The following FGF1 variants were observed in gnomAD, a reference collection of about 807,000 sequenced individuals.
FGF1 encodes the protein fibroblast growth factor 1.
A neutral mutation model predicts 13.4 loss-of-function variants in FGF1; 9 were observed. The ratio of observed to expected loss-of-function variants is 0.67; its 90% CI spans 0.40 to 1.17. The LOEUF (loss-of-function observed/expected upper bound fraction) is 1.17, where lower values mean the gene tolerates loss of function less well. Among genes scored for constraint, FGF1 ranks in the 50% most tolerant of loss-of-function variants. FGF1 has a pLI of 0.01. For missense variants in FGF1, 156 were observed against 192.7 expected (o/e 0.81, Z 1.13); for synonymous variants, 93 against 79.0 (o/e 1.18, Z -0.94).
At chr5:142,639,418 C>A (rs1016716867) in intron 1 of FGF1, among the ~76,000 whole-genome samples, 7 of 151,906 alleles carry the variant, frequency 4.6e-5, no homozygotes, top group African/African-American at 1.7e-4. Flanking sequence ...TCATTTATGA[C>A]AACATGGATG....
chr5:142,640,431 G>GGT (rs1158136435), intron 1 of FGF1, among the ~76,000 whole-genome samples: 3 of 149,874 alleles, frequency 2.0e-5, no homozygotes, highest in Non-Finnish European at 4.5e-5. Context: ...TATGGTGGGG[G>GGT]GGGGGGTCTC....
At chr5:142,608,708 C>CATATATATATATATAT (rs149917804) in intron 2 of FGF1, among the ~76,000 whole-genome samples, 16 of 144,314 alleles carry the variant, frequency 1.1e-4, no homozygotes, top group African/African-American at 3.8e-4. Flanking sequence ...GACTGAATGA[C>CATATATATATATATAT]ATATATATAT....
intron 1 of FGF1, among the ~76,000 whole-genome samples, chr5:142,630,324 A>G (rs925992148): frequency 6.6e-6 from 1 of 152,140 alleles, no homozygotes; most frequent in Non-Finnish European, 1.5e-5. Context: ...TTGGACTGCC[A>G]TGAGGGGTTA....
At chr5:142,608,602 A>G (rs1758333344) in intron 2 of FGF1, among the ~76,000 whole-genome samples, 1 of 135,158 alleles carries the variant, frequency 7.4e-6, no homozygotes, top group African/African-American at 2.8e-5. Context: ...ACACACATAT[A>G]TGTAAATATA....
chr5:142,637,554 C>T (rs1044400830), intron 1 of FGF1, among the ~76,000 whole-genome samples: 3 of 151,998 alleles, frequency 2.0e-5, no homozygotes, highest in Non-Finnish European at 2.9e-5. Context: ...CTCCTGACTT[C>T]GTGATCTGCC....
intron 1 of FGF1, among the ~76,000 whole-genome samples, chr5:142,639,035 G>T (rs1226243708): frequency 6.6e-6 from 1 of 151,996 alleles, no homozygotes; most frequent in African/African-American, 2.4e-5. Flanking sequence ...TATTGGTGAG[G>T]ATGTGGAGAA....
chr5:142,667,306 G>T (rs559134073), intron 1 of FGF1, among the ~76,000 whole-genome samples: 1 of 150,040 alleles, frequency 6.7e-6, no homozygotes, highest in East Asian at 2.0e-4. Flanking sequence ...AAAGAAACAG[G>T]CCGGGCGCGG....
At chr5:142,666,530 G>A (rs1269948875) in intron 1 of FGF1, among the ~76,000 whole-genome samples, 2 of 141,940 alleles carry the variant, frequency 1.4e-5, no homozygotes, top group Admixed American at 7.0e-5. Context: ...TGTATCCTCT[G>A]ACATGTTCCC....
intron 1 of FGF1, among the ~76,000 whole-genome samples, chr5:142,657,108 G>T (rs780645779): frequency 2.2e-4 from 34 of 151,946 alleles, no homozygotes; most frequent in Non-Finnish European, 4.1e-4. Flanking sequence ...GTAGAGATGG[G>T]GTTTCACCAT....
intron 1 of FGF1, among the ~76,000 whole-genome samples, chr5:142,645,951 T>C (rs1319491627): frequency 3.3e-5 from 5 of 152,308 alleles, no homozygotes; most frequent in South Asian, 2.1e-4. Context: ...CTTTGTCGCC[T>C]AGGCTGAAGC....
At chr5:142,661,847 CA>C (rs1482766425) in intron 1 of FGF1, among the ~76,000 whole-genome samples, 4 of 151,888 alleles carry the variant, frequency 2.6e-5, no homozygotes, top group Non-Finnish European at 5.9e-5. Flanking sequence ...ACTAAAAATA[CA>C]AAAAATTAGC....
chr5:142,663,626 C>G (rs1361971072), intron 1 of FGF1, among the ~76,000 whole-genome samples: 1 of 152,226 alleles, frequency 6.6e-6, no homozygotes, highest in Admixed American at 6.5e-5. Flanking sequence ...TATACGTACA[C>G]AGCCCACAGC....
rs752143604 is a variant in FGF1, at chr5:142,614,138, C to T, written c.-11G>A. On this transcript the variant is annotated 5_prime_UTR_variant, in exon 2 of 4. Coordinates refer to ENST00000337706, the MANE Select transcript of FGF1 (RefSeq NM_000800.5). ...TTCCCCTTCAGCCATGGCTCAGCAG[C>T]TGCTGCTTGTGGCGCTTTCAAGACT... 49 of 1,613,894 alleles carry T rather than the reference C, an allele frequency of 3.0e-5. No individual in the cohort carries two copies. The highest frequency in any genetic ancestry group is 4.0e-5 in the African/African-American group (3 of 74,934).
chr5:142,674,785 G>A (rs1272070271), intron 1 of FGF1, among the ~76,000 whole-genome samples: 3 of 152,120 alleles, frequency 2.0e-5, no homozygotes, highest in South Asian at 4.1e-4. Flanking sequence ...AGCAAGACGT[G>A]GTTAGAGGTT....
intron 2 of FGF1, among the ~76,000 whole-genome samples, chr5:142,601,972 A>T (rs983587671): frequency 9.8e-5 from 15 of 152,336 alleles, no homozygotes; most frequent in African/African-American, 3.4e-4. Context: ...TTATTTGGTC[A>T]CTAGACCGTC....
intron 1 of FGF1, among the ~76,000 whole-genome samples, chr5:142,618,921 G>GTTTTTTTTTTTTTTTTTTTTTT (rs1343286807): frequency 1.8e-5 from 2 of 108,374 alleles, no homozygotes; most frequent in East Asian, 7.5e-4. Flanking sequence ...TTATTTTTTA[G>GTTTTTTTTTTTTTTTTTTTTTT]TTGTTTTGTT....
intron 1 of FGF1, among the ~76,000 whole-genome samples, chr5:142,658,657 T>A (rs1768606342): frequency 6.6e-6 from 1 of 151,916 alleles, no homozygotes; most frequent in African/African-American, 2.4e-5. Flanking sequence ...GAAAGAAAAA[T>A]TGTCAGTTGT....
chr5:142,646,131 G>A (rs540351506), intron 1 of FGF1, among the ~76,000 whole-genome samples: 8 of 149,980 alleles, frequency 5.3e-5, no homozygotes, highest in Admixed American at 3.3e-4. Flanking sequence ...GGATGGTCTC[G>A]ATCTCCTGAC....
In FGF1 at chr5:142,600,800, G is replaced by T; in HGVS notation, c.175C>A (p.Leu59Met). 1.2e-6 allele frequency: 2 copies of T among 1,608,744 alleles called. No individual in the cohort carries two copies. Among genetic ancestry groups the T allele is most frequent in the Non-Finnish European group, 1.7e-6 (2 of 1,176,868 alleles). ...CCCACGCTTTCCGCACTGAGCTGCA[G>T]CTGAACTGGAATAAAAATAACACGA... Reference protein sequence around the residue: ...TRDRSDQHIQLQLSAESVGEV... With the variant: ...TRDRSDQHIQMQLSAESVGEV... Residue 59 changes from leucine to methionine, a missense_variant, in exon 3 of 4, where the codon CTG (leucine) becomes ATG (methionine). By Grantham distance (15) the Leu-to-Met change is conservative. Transcript: ENST00000337706.
Sources: allele counts gnomAD v4.1 joint callset (sites outside exome capture counted in the v4.1 genomes callset), GRCh38; gene constraint gnomAD v4.1.1; transcripts MANE v1.5; gene names NCBI Gene and HGNC (gene_info 2026-07-23, HGNC 2026-07-21).